The following CACNA2D1 variants were observed in gnomAD, a reference collection of about 807,000 sequenced individuals.
CACNA2D1 encodes the protein calcium voltage-gated channel auxiliary subunit alpha2delta 1, also known as voltage-dependent calcium channel subunit alpha-2/delta-1.
A neutral mutation model predicts 171.5 loss-of-function variants in CACNA2D1; 53 were observed. That is an observed-to-expected ratio of 0.31 (90% CI 0.25 to 0.39). The LOEUF (loss-of-function observed/expected upper bound fraction) is 0.39, where lower values mean the gene tolerates loss of function less well. Among genes scored for constraint, CACNA2D1 ranks in the 10% least tolerant of loss-of-function variants. CACNA2D1 has a pLI of 1.00. For missense variants in CACNA2D1, 903 were observed against 1,299.8 expected (o/e 0.69, Z 4.69); for synonymous variants, 442 against 443.1 (o/e 1.00, Z 0.03).
At position 82,335,268 on chromosome 7, in the gene CACNA2D1, A is replaced by G. The variant is rs1817851660; in HGVS notation, c.178-17T>C. 1 of 1,395,922 alleles carries G rather than the reference A, an allele frequency of 7.2e-7. No individual in the cohort carries two copies. Among genetic ancestry groups the G allele is most frequent in the African/African-American group, 1.4e-5 (1 of 70,636 alleles). The allele number at this position is 1,395,922 out of a possible 1,614,324, so 86.5% of individuals were successfully genotyped here. A position where few individuals can be genotyped will look rare whatever the true frequency, so the allele number is the denominator to read the frequency against. On this transcript the variant is annotated splice_polypyrimidine_tract_variant and intron_variant, in intron 2 of 38. Coordinates refer to ENST00000356860, the MANE Select transcript of CACNA2D1 (RefSeq NM_000722.4). The stretch of plus-strand genomic sequence containing the variant: ...CTCATAAATCTGTGTGAAAGAAAAA[A>G]AAAACTAGTAAGAACAATAGTTACT...
At chr7:82,132,485 T>C (rs538325151) in intron 5 of CACNA2D1, among the ~76,000 whole-genome samples, 7 of 152,286 alleles carry the variant, frequency 4.6e-5, no homozygotes, top group East Asian at 1.9e-4. Flanking sequence ...TGGGCACACA[T>C]AGAAGTGATG....
chr7:82,258,894 C>T (rs1320169117), intron 3 of CACNA2D1, among the ~76,000 whole-genome samples: 1 of 138,660 alleles, frequency 7.2e-6, no homozygotes, highest in African/African-American at 2.7e-5. Flanking sequence ...ATGGCCCAGT[C>T]TCAGCTCCCT....
chr7:82,406,812 T>C lies in CACNA2D1; in HGVS notation c.95+36553A>G, dbSNP rs183541860. The stretch of plus-strand genomic sequence containing the variant: ...GATATTAGTTTTGGGGACAAGTCTT[T>C]ATCTGTTTCAATCTTAGAATTTTTT... On this transcript the variant is annotated intron_variant, in intron 1 of 38. Transcript: ENST00000356860. 2.1e-4 allele frequency among the ~76,000 whole-genome samples: 32 copies of C among 152,168 alleles called. No homozygotes were observed. The East Asian group carries it at 6.0e-3, about 29-fold the overall frequency.
At chr7:82,194,184 C>T (rs760212743) in intron 3 of CACNA2D1, among the ~76,000 whole-genome samples, 1 of 152,000 alleles carries the variant, frequency 6.6e-6, no homozygotes, top group African/African-American at 2.4e-5. Context: ...GTGAATCATT[C>T]TCCCATCAGC....
At position 81,985,196 on chromosome 7, in the gene CACNA2D1, C is replaced by CTTTTTTT. The variant is rs774555240; in HGVS notation, c.1797-492_1797-486dup. Among the ~76,000 whole-genome samples the CTTTTTTT allele has an allele frequency of 5.3e-4, 55 of 104,172 alleles. 3 individuals are homozygous for CTTTTTTT. The highest frequency in any genetic ancestry group is 2.1e-3 in the African/African-American group (51 of 24,302). 68.3% of individuals were successfully genotyped at this position (104,172 alleles called of 152,430 possible). A position where few individuals can be genotyped will look rare whatever the true frequency, so the allele number is the denominator to read the frequency against. Reference sequence around the variant, plus strand: ...AATGGAAGAGTTACTATTATCATTACTTTTTTTTTTTTTTTTTTTTTGGAG... The same window carrying CTTTTTTT: ...AATGGAAGAGTTACTATTATCATTACTTTTTTTTTTTTTTTTTTTTTTTTTTTTGGAG... On this transcript the variant is annotated intron_variant, in intron 21 of 38. Transcript: ENST00000356860.
intron 3 of CACNA2D1, among the ~76,000 whole-genome samples, chr7:82,172,613 C>T (rs1179410001): frequency 3.8e-5 from 5 of 130,398 alleles, no homozygotes; most frequent in African/African-American, 9.4e-5. Context: ...TCAAGAAACC[C>T]GGCTTTTTTT....
At chr7:82,211,708 C>T (rs1800574641) in intron 3 of CACNA2D1, among the ~76,000 whole-genome samples, 1 of 152,102 alleles carries the variant, frequency 6.6e-6, no homozygotes, top group Non-Finnish European at 1.5e-5. Context: ...GATTTATTTT[C>T]CTTTGGTTGT....
chr7:82,083,246 C>T (rs949836931), intron 7 of CACNA2D1, among the ~76,000 whole-genome samples: 1 of 151,936 alleles, frequency 6.6e-6, no homozygotes, highest in Admixed American at 6.6e-5. Flanking sequence ...AAGTTACTGA[C>T]AAATATATTC....
intron 1 of CACNA2D1, among the ~76,000 whole-genome samples, chr7:82,414,112 G>C (rs116506422): frequency 6.6e-6 from 1 of 152,078 alleles, no homozygotes; most frequent in Non-Finnish European, 1.5e-5. Flanking sequence ...ATTACAAGAT[G>C]AGCTCAGAAA....
At chr7:82,439,682 A>T (rs1023523558) in intron 1 of CACNA2D1, among the ~76,000 whole-genome samples, 14 of 151,268 alleles carry the variant, frequency 9.3e-5, no homozygotes, top group Non-Finnish European at 1.9e-4. Context: ...AGCTATGTGT[A>T]ACATTAATAA....
At chr7:82,248,695 G>T (rs1005381678) in intron 3 of CACNA2D1, among the ~76,000 whole-genome samples, 7 of 151,988 alleles carry the variant, frequency 4.6e-5, no homozygotes, top group Admixed American at 4.6e-4. Context: ...ATAAAACAGA[G>T]CATTGATGCA....
chr7:82,069,528 C>G (rs1313955830), intron 7 of CACNA2D1, among the ~76,000 whole-genome samples: 1 of 152,112 alleles, frequency 6.6e-6, no homozygotes, highest in Non-Finnish European at 1.5e-5. Context: ...ACTGGTCTAC[C>G]ATTTACTTCA....
At chr7:82,037,185 C>T (rs187001822) in intron 11 of CACNA2D1, among the ~76,000 whole-genome samples, 58 of 152,252 alleles carry the variant, frequency 3.8e-4, no homozygotes, top group African/African-American at 1.3e-3. Context: ...CAGTATGAGA[C>T]ACACACTATA....
chr7:82,410,410 C>T (rs1362108646), intron 1 of CACNA2D1: 1 of 468,694 alleles, frequency 2.1e-6, no homozygotes. Context: ...TTTATCACTT[C>T]TGTACTGCTA....
At chr7:82,063,729 C>T (rs1273050346) in intron 9 of CACNA2D1, among the ~76,000 whole-genome samples, 1 of 152,082 alleles carries the variant, frequency 6.6e-6, no homozygotes, top group East Asian at 1.9e-4. Flanking sequence ...ACATCTTCAA[C>T]CTTATTAGAA....
intron 20 of CACNA2D1, 27 bp from the exon 21 acceptor site, chr7:81,991,273 A>G: frequency 8.9e-7 from 1 of 1,123,524 alleles, no homozygotes; most frequent in Non-Finnish European, 1.4e-6. Flanking sequence ...CGTGGTTATT[A>G]TCACTTTACA....
At chr7:82,075,410 T>TAAA (rs1808843644) in intron 7 of CACNA2D1, among the ~76,000 whole-genome samples, 1 of 152,200 alleles carries the variant, frequency 6.6e-6, no homozygotes, top group East Asian at 1.9e-4. Flanking sequence ...ATCCTTTAGA[T>TAAA]GTCCCATAAT....
intron 7 of CACNA2D1, among the ~76,000 whole-genome samples, chr7:82,080,051 A>ATG (rs1554395627): frequency 7.3e-5 from 4 of 54,798 alleles, no homozygotes; most frequent in African/African-American, 2.6e-4. Flanking sequence ...AAAAATATAT[A>ATG]TGTGTGTATA....
At position 82,353,176 on chromosome 7, in the gene CACNA2D1, G is replaced by A. The variant is rs146200432; in HGVS notation, c.96-3527C>T. Reference sequence around the variant, plus strand: ...CAGACTAATTCAGTGGTGGTGAAAGGGATAAAGGGAAAAGAAGGGGAGGCC... The same window carrying A: ...CAGACTAATTCAGTGGTGGTGAAAGAGATAAAGGGAAAAGAAGGGGAGGCC... On this transcript the variant is annotated intron_variant, in intron 1 of 38. Coordinates refer to ENST00000356860, the MANE Select transcript of CACNA2D1 (RefSeq NM_000722.4). Among the ~76,000 whole-genome samples, 233 of 152,204 alleles carry A rather than the reference G, an allele frequency of 1.5e-3. 1 individual carries two copies. The highest frequency in any genetic ancestry group is 5.4e-3 in the African/African-American group (223 of 41,536).
Sources: allele counts gnomAD v4.1 joint callset (sites outside exome capture counted in the v4.1 genomes callset), GRCh38; gene constraint gnomAD v4.1.1; transcripts MANE v1.5; gene names NCBI Gene and HGNC (gene_info 2026-07-23, HGNC 2026-07-21).